The following OMA1 variants were observed in gnomAD, a reference collection of about 807,000 sequenced individuals.
OMA1 encodes the protein metalloendopeptidase OMA1, mitochondrial.
OMA1 carries 38 observed loss-of-function variants against 30.9 expected under a neutral mutation model. That is an observed-to-expected ratio of 1.23 (90% CI 0.95 to 1.61). OMA1 has a LOEUF of 1.61. OMA1 is among the 40% of genes most tolerant of loss of function. The pLI is 0.00. For synonymous variants in OMA1, 173 were observed against 121.9 expected (o/e 1.42, Z -2.76); for missense variants, 461 against 349.2 (o/e 1.32, Z -2.55).
chr1:58,495,013 C>A (rs1270068911), intron 8 of OMA1, among the ~76,000 whole-genome samples: 2 of 152,122 alleles, frequency 1.3e-5, no homozygotes, highest in African/African-American at 4.8e-5. Flanking sequence ...AGACTTGGAA[C>A]CAACCCAAAC....
chr1:58,542,143 T>C (rs950381461), intron 1 of OMA1, among the ~76,000 whole-genome samples: 7 of 152,256 alleles, frequency 4.6e-5, no homozygotes, highest in Admixed American at 4.6e-4. Flanking sequence ...GCATGCTAAG[T>C]AAAACATTAA....
intron 8 of OMA1, among the ~76,000 whole-genome samples, chr1:58,485,227 C>CT (rs1443712126): frequency 0.099 from 1,385 of 13,940 alleles, 119 homozygotes; most frequent in African/African-American, 0.32. Context: ...GAGTCTACTA[C>CT]TAAAAAAAAA....
intron 8 of OMA1, among the ~76,000 whole-genome samples, chr1:58,488,186 C>T (rs1645610071): frequency 6.6e-6 from 1 of 152,004 alleles, no homozygotes; most frequent in Non-Finnish European, 1.5e-5. Context: ...ACAAGCCATC[C>T]TCTTATTGTT....
chr1:58,493,104 G>A (rs959764858), intron 8 of OMA1, among the ~76,000 whole-genome samples: 25 of 152,108 alleles, frequency 1.6e-4, no homozygotes, highest in African/African-American at 5.6e-4. Flanking sequence ...ATGCAAGGCT[G>A]GTTCAACATA....
At chr1:58,522,971 G>A (rs1646290724) in intron 7 of OMA1, among the ~76,000 whole-genome samples, 1 of 152,168 alleles carries the variant, frequency 6.6e-6, no homozygotes, top group African/African-American at 2.4e-5. Flanking sequence ...GGCATAATCA[G>A]TGTAACTTAA....
intron 3 of OMA1, 24 bp downstream of exon 3, chr1:58,536,489 T>C (rs1404010489): frequency 1.2e-6 from 1 of 848,958 alleles, no homozygotes; most frequent in South Asian, 1.3e-5. Context: ...AGCAGTCTAA[T>C]TAAAAACAAC....
chr1:58,494,009 T>G (rs1205610570), intron 8 of OMA1, among the ~76,000 whole-genome samples: 2 of 151,544 alleles, frequency 1.3e-5, no homozygotes, highest in East Asian at 3.9e-4. Context: ...GCTACCTGAC[T>G]TCAAACTATA....
At chr1:58,483,524 T>G (rs1290358144) in intron 8 of OMA1, among the ~76,000 whole-genome samples, 2 of 152,214 alleles carry the variant, frequency 1.3e-5, no homozygotes, top group Non-Finnish European at 2.9e-5. Flanking sequence ...AATTCTTCAG[T>G]GGCAGTGGTC....
chr1:58,496,227 G>A (rs1158061899), intron 8 of OMA1, among the ~76,000 whole-genome samples: 1 of 150,176 alleles, frequency 6.7e-6, no homozygotes, highest in Non-Finnish European at 1.5e-5. Flanking sequence ...TCTATCTTCC[G>A]CATCAATGAG....
At chr1:58,489,461 G>A (rs1037749902) in intron 8 of OMA1, among the ~76,000 whole-genome samples, 4 of 152,228 alleles carry the variant, frequency 2.6e-5, no homozygotes, top group Admixed American at 6.5e-5. Flanking sequence ...GAACTGGGTG[G>A]AGCCCACTGC....
intron 8 of OMA1, among the ~76,000 whole-genome samples, chr1:58,493,083 T>C (rs1241044644): frequency 6.6e-6 from 1 of 152,196 alleles, no homozygotes; most frequent in Admixed American, 6.5e-5. Flanking sequence ...CAAGTGGGCT[T>C]CATCCCTGGG....
At chr1:58,528,377 A>G (rs1451414715) in intron 6 of OMA1, among the ~76,000 whole-genome samples, 2 of 152,226 alleles carry the variant, frequency 1.3e-5, no homozygotes, top group Non-Finnish European at 2.9e-5. Context: ...AACAGTTCCA[A>G]GCTCACAGAG....
intron 7 of OMA1, among the ~76,000 whole-genome samples, chr1:58,508,480 A>G (rs1646023853): frequency 6.6e-6 from 1 of 152,180 alleles, no homozygotes; most frequent in Admixed American, 6.5e-5. Context: ...AATGAACAAC[A>G]TCAAACCTGG....
intron 7 of OMA1, among the ~76,000 whole-genome samples, chr1:58,517,162 T>C (rs1490258142): frequency 1.3e-5 from 2 of 152,188 alleles, no homozygotes; most frequent in African/African-American, 2.4e-5. Flanking sequence ...GGTTAAGTGA[T>C]TTGCTACAGT....
intron 8 of OMA1, among the ~76,000 whole-genome samples, chr1:58,495,111 C>G (rs1296558066): frequency 6.6e-6 from 1 of 152,108 alleles, no homozygotes; most frequent in Non-Finnish European, 1.5e-5. Flanking sequence ...GAGTTCATGT[C>G]CTTTGTAGGG....
intron 7 of OMA1, among the ~76,000 whole-genome samples, 161 bp downstream of exon 7, chr1:58,527,100 A>C (rs1646364222): frequency 6.6e-6 from 1 of 152,148 alleles, no homozygotes; most frequent in Admixed American, 6.5e-5. Context: ...CATTCTTTCA[A>C]GGTCCATAAT....
At chr1:58,527,362 A>C (rs761444356) in intron 6 of OMA1, 27 bp from the exon 7 acceptor site, 1 of 864,800 alleles carries the variant, frequency 1.2e-6, no homozygotes, top group South Asian at 1.3e-5. Context: ...GAAAAGCTCC[A>C]TTAAGACAAT....
chr1:58,500,938 A>C (rs990311585), intron 8 of OMA1, among the ~76,000 whole-genome samples: 5 of 152,226 alleles, frequency 3.3e-5, no homozygotes, highest in African/African-American at 1.2e-4. Flanking sequence ...TTTCAACGAC[A>C]AATTATAATA....
intron 7 of OMA1, among the ~76,000 whole-genome samples, chr1:58,526,847 C>T (rs1325559923): frequency 6.6e-6 from 1 of 152,022 alleles, no homozygotes; most frequent in Non-Finnish European, 1.5e-5. Context: ...ATAGCATTAG[C>T]TTTCCAGAGG....
Sources: allele counts gnomAD v4.1 joint callset (sites outside exome capture counted in the v4.1 genomes callset), GRCh38; gene constraint gnomAD v4.1.1; transcripts MANE v1.5; gene names NCBI Gene and HGNC (gene_info 2026-07-23, HGNC 2026-07-21).